ZNF516: variants seen among roughly 807,000 people sequenced by gnomAD.
ZNF516 encodes zinc finger protein 516.
ZNF516 carries 19 observed loss-of-function variants against 79.7 expected under a neutral mutation model. The ratio of observed to expected loss-of-function variants is 0.24; its 90% CI spans 0.17 to 0.35. The LOEUF is 0.35. ZNF516 is among the 10% of genes least tolerant of loss of function. ZNF516 has a pLI of 1.00. For missense variants in ZNF516, 1,678 were observed against 1,679.5 expected (o/e 1.00, Z 0.02); for synonymous variants, 877 against 739.5 (o/e 1.19, Z -3.02).
chr18:76,370,521 G>A lies in ZNF516; in HGVS notation c.3432+7C>T, dbSNP rs2074684912. 6.9e-6 allele frequency: 11 copies of A among 1,603,494 alleles called. No homozygotes were observed. The highest frequency in any genetic ancestry group is 9.4e-6 in the Non-Finnish European group (11 of 1,174,248). On this transcript the variant is annotated splice_region_variant and intron_variant, in intron 6 of 6. Transcript: ENST00000443185. ...AACCCAGACATCCAATTCATCATGA[G>A]ACCTACTTGTTTGGGGGCGTCTGCG...
At chr18:76,483,620 C>T (rs1914657454) in intron 1 of ZNF516, among the ~76,000 whole-genome samples, 1 of 152,214 alleles carries the variant, frequency 6.6e-6, no homozygotes, top group Admixed American at 6.5e-5. Context: ...CAGGGCCCAG[C>T]CGTCTATCAG....
At chr18:76,469,111 G>C (rs1913673315) in intron 1 of ZNF516, among the ~76,000 whole-genome samples, 1 of 152,130 alleles carries the variant, frequency 6.6e-6, no homozygotes, top group African/African-American at 2.4e-5. Context: ...TACATGTTTA[G>C]CTCTGTACGC....
chr18:76,390,105 C>T (rs1254231168), intron 3 of ZNF516, among the ~76,000 whole-genome samples: 2 of 152,222 alleles, frequency 1.3e-5, no homozygotes, highest in Non-Finnish European at 2.9e-5. Context: ...TCCTCCTACA[C>T]AAAACGTCCT....
At chr18:76,466,216 T>C (rs939322096) in intron 1 of ZNF516, among the ~76,000 whole-genome samples, 2 of 152,110 alleles carry the variant, frequency 1.3e-5, no homozygotes, top group Admixed American at 1.3e-4. Flanking sequence ...GGTTTACTCC[T>C]AGGGTGCTTC....
chr18:76,489,358 A>G (rs1336758023), intron 1 of ZNF516, among the ~76,000 whole-genome samples: 1 of 152,234 alleles, frequency 6.6e-6, no homozygotes, highest in East Asian at 1.9e-4. Context: ...ATTTCAAAGT[A>G]TTCTTTACAG....
Position 76,379,002 on chromosome 18 carries a change from C to G in ZNF516, c.3112G>C (p.Val1038Leu), listed in dbSNP as rs2074837530. 1 of 1,612,550 alleles carries G rather than the reference C, an allele frequency of 6.2e-7. No individual in the cohort carries two copies. The change falls in exon 4 of 7, where the codon GTC becomes CTC. Residue 1038 changes from valine to leucine, a missense_variant. By Grantham distance (32) the Val-to-Leu change is conservative (BLOSUM62 1). Transcript: ENST00000443185. ...AQPGVAGAPP[V>L]LHSIKQEPVA... ...GGCTCCTGTTTGATGGAGTGTAGGA[C>G]GGGGGGCGCCCCAGCCACGCCGGGC...
chr18:76,457,246 A>G (rs766497109), intron 2 of ZNF516, among the ~76,000 whole-genome samples: 10 of 152,242 alleles, frequency 6.6e-5, no homozygotes, highest in Non-Finnish European at 1.2e-4. Flanking sequence ...GGATTTATAA[A>G]CAATTTTAAG....
chr18:76,411,398 G>C (rs907042247), intron 3 of ZNF516, among the ~76,000 whole-genome samples: 1 of 152,200 alleles, frequency 6.6e-6, no homozygotes, highest in Non-Finnish European at 1.5e-5. Context: ...ACATTTCCAA[G>C]CATTTCAGCA....
intron 1 of ZNF516, chr18:76,490,294 G>A (rs971561302): frequency 5.0e-5 from 34 of 679,750 alleles, no homozygotes; most frequent in Non-Finnish European, 5.8e-5. Flanking sequence ...ACTAAGGGGG[G>A]GCGAGGGGTT....
At chr18:76,431,434 A>G (rs1029570857) in intron 3 of ZNF516, among the ~76,000 whole-genome samples, 2 of 152,246 alleles carry the variant, frequency 1.3e-5, no homozygotes, top group African/African-American at 4.8e-5. Context: ...AAGTCATACC[A>G]GGAAGTCAAT....
intron 3 of ZNF516, among the ~76,000 whole-genome samples, chr18:76,409,733 A>C (rs185559004): frequency 3.3e-4 from 51 of 152,266 alleles, no homozygotes; most frequent in African/African-American, 1.2e-3. Context: ...AAACCGAGAG[A>C]GCTGCATTTC....
intron 6 of ZNF516, among the ~76,000 whole-genome samples, chr18:76,365,362 A>C (rs1168053046): frequency 6.6e-6 from 1 of 152,192 alleles, no homozygotes; most frequent in African/African-American, 2.4e-5. Flanking sequence ...GGGGTGAATA[A>C]TTTTTCTTGG....
chr18:76,378,122 G>A (rs11872570), intron 4 of ZNF516: 14,424 of 152,218 alleles, frequency 0.095, 922 homozygotes, highest in African/African-American at 0.18. Context: ...TGTTCTGGAC[G>A]TTAAGTGAGA....
chr18:76,401,248 CTTTTT>C (rs57990722), intron 3 of ZNF516, among the ~76,000 whole-genome samples: 9 of 118,462 alleles, frequency 7.6e-5, no homozygotes, highest in East Asian at 2.4e-4. Context: ...TTCAATTTAT[CTTTTT>C]TTTTTTTTTT....
chr18:76,444,534 A>T (rs1055865411), intron 2 of ZNF516, among the ~76,000 whole-genome samples: 1 of 152,204 alleles, frequency 6.6e-6, no homozygotes, highest in Admixed American at 6.5e-5. Context: ...AGCACACAAC[A>T]CATTAACACA....
At chr18:76,491,199 C>T (rs1599173026) in intron 1 of ZNF516, 2 of 800,828 alleles carry the variant, frequency 2.5e-6, no homozygotes, top group Non-Finnish European at 3.0e-6. Flanking sequence ...CCGGTCCACG[C>T]CGCCGCGCGG....
At chr18:76,445,785 A>C (rs1294578001) in intron 2 of ZNF516, among the ~76,000 whole-genome samples, 1 of 152,258 alleles carries the variant, frequency 6.6e-6, no homozygotes, top group Non-Finnish European at 1.5e-5. Flanking sequence ...GGAGGAGCCC[A>C]GGCCTGGTCA....
At chr18:76,367,144 G>A (rs187406081) in intron 6 of ZNF516, among the ~76,000 whole-genome samples, 95 of 152,242 alleles carry the variant, frequency 6.2e-4, no homozygotes, top group African/African-American at 2.2e-3. Flanking sequence ...AGGGGAATGG[G>A]TCATCCCTGG....
intron 3 of ZNF516, among the ~76,000 whole-genome samples, chr18:76,385,420 A>AG (rs1447515750): frequency 1.3e-5 from 2 of 152,248 alleles, no homozygotes; most frequent in African/African-American, 4.8e-5. Flanking sequence ...AAATGCGGTG[A>AG]GGGCACTTTG....
Sources: gnomAD v4.1 joint callset for allele counts (sites outside exome capture counted in the v4.1 genomes callset) on GRCh38, gnomAD v4.1.1 for gene constraint, MANE v1.5 for transcripts, NCBI Gene and HGNC (gene_info 2026-07-23, HGNC 2026-07-21) for gene names.